Variants in C11orf58 observed in about 807,000 individuals in gnomAD.
C11orf58 encodes the protein small acidic protein.
C11orf58 carries 5 observed loss-of-function variants against 22.7 expected under a neutral mutation model. The ratio of observed to expected loss-of-function variants is 0.22; its 90% confidence interval spans 0.12 to 0.46. The LOEUF (loss-of-function observed/expected upper bound fraction) is 0.46. C11orf58 is among the 20% of genes least tolerant of loss of function. The pLI is 0.99. For missense variants in C11orf58, 151 were observed against 223.3 expected (o/e 0.68, Z 2.06); for synonymous variants, 71 against 70.7 (o/e 1.00, Z -0.02).
chr11:16,746,459 TATAGGTTGTTTCAACTAAAA>T (rs1848488098), intron 2 of C11orf58, among the ~76,000 whole-genome samples: 1 of 152,210 alleles, frequency 6.6e-6, no homozygotes, highest in Non-Finnish European at 1.5e-5. Context: ...TTGTTTTCAT[TATAGGTTGTTTCAACTAAAA>T]TCAGTTAAAA....
chr11:16,744,507 A>AG (rs1491459934), intron 1 of C11orf58, 94 bp from the exon 2 acceptor site: 1 of 929,722 alleles, frequency 1.1e-6, no homozygotes. Flanking sequence ...TACAACTGAC[A>AG]GGGGAAAAAA....
chr11:16,752,718 G>A, intron 3 of C11orf58, 67 bp from the exon 4 acceptor site: 1 of 1,099,008 alleles, frequency 9.1e-7, no homozygotes, highest in Non-Finnish European at 1.4e-6. Flanking sequence ...AATAGCATCT[G>A]TATTATGGGT....
At chr11:16,743,654 A>G (rs1848465288) in intron 1 of C11orf58, among the ~76,000 whole-genome samples, 1 of 152,216 alleles carries the variant, frequency 6.6e-6, no homozygotes, top group Admixed American at 6.5e-5. Context: ...GTGAAAGCTA[A>G]AAGTAGACAA....
intron 1 of C11orf58, among the ~76,000 whole-genome samples, chr11:16,739,139 G>A (rs1224311343): frequency 6.6e-6 from 1 of 152,082 alleles, no homozygotes; most frequent in Non-Finnish European, 1.5e-5. Flanking sequence ...GCGTTTTGGG[G>A]GGCCGATGAG....
In C11orf58 at chr11:16,738,657, C is replaced by A; in HGVS notation, c.-122C>A. The A allele has an allele frequency of 8.9e-7, 1 of 1,129,076 alleles. No individual in the cohort carries two copies. Among genetic ancestry groups the A allele is most frequent in the Non-Finnish European group, 1.3e-6 (1 of 750,086 alleles). 69.9% of individuals were successfully genotyped at this position (1,129,076 alleles called of 1,614,324 possible). On this transcript the variant is annotated 5_prime_UTR_variant, in exon 1 of 5. Transcript: ENST00000228136. ...GGTGACGACTGTGGCAGAGAAGGCCCGGAGGGGCTCTGCGTTCTGTAGTGG... is the reference window on the plus strand; with the variant it reads ...GGTGACGACTGTGGCAGAGAAGGCCAGGAGGGGCTCTGCGTTCTGTAGTGG...
chr11:16,752,748 T>C, intron 3 of C11orf58, 37 bp from the exon 4 acceptor site: 1 of 1,427,366 alleles, frequency 7.0e-7, no homozygotes. Context: ...AATTATTAAT[T>C]TGACTGAAAC....
chr11:16,742,581 A>G (rs1005827291), intron 1 of C11orf58, among the ~76,000 whole-genome samples: 1 of 152,212 alleles, frequency 6.6e-6, no homozygotes, highest in African/African-American at 2.4e-5. Context: ...ATGAGAGCAT[A>G]TAAGCCCTTC....
chr11:16,755,210 G>C lies in C11orf58; in HGVS notation c.*106G>C, dbSNP rs967919292. The C allele has an allele frequency of 9.1e-6, 12 of 1,321,680 alleles. No homozygotes were observed. The African/African-American group carries it at 1.5e-4, about 16-fold the overall frequency. The allele number at this position is 1,321,680 out of a possible 1,614,324, so 81.9% of individuals were successfully genotyped here. A position where few individuals can be genotyped will look rare whatever the true frequency, so the allele number is the denominator to read the frequency against. On this transcript the variant is annotated 3_prime_UTR_variant, in exon 5 of 5. Coordinates refer to ENST00000228136, the MANE Select transcript of C11orf58 (RefSeq NM_014267.6). ...CCTTTGTATTATAATTTTTAAAAAGGCCCTTTTAAATAATTACAAAGAGTG... is the reference window on the plus strand; with the variant it reads ...CCTTTGTATTATAATTTTTAAAAAGCCCCTTTTAAATAATTACAAAGAGTG...
intron 3 of C11orf58, 143 bp downstream of exon 3, chr11:16,748,300 T>C: frequency 3.1e-6 from 2 of 635,256 alleles, no homozygotes; most frequent in Non-Finnish European, 5.3e-6. Context: ...AGTGGCTTAA[T>C]GCCTGTAATC....
chr11:16,755,603 T>G lies in C11orf58; in HGVS notation c.*499T>G, dbSNP rs1260210802. 1 of 153,588 alleles carries G rather than the reference T, an allele frequency of 6.5e-6. No homozygotes were observed. The highest frequency in any genetic ancestry group is 2.4e-5 in the African/African-American group (1 of 41,470). The allele number at this position is 153,588 out of a possible 1,614,324, so 9.5% of individuals were successfully genotyped here. A position where few individuals can be genotyped will look rare whatever the true frequency, so the allele number is the denominator to read the frequency against. ...CTTAGTTTCCTGTTACTGAGTTAGC[T>G]CTACTCTTTTGGACCAAAGCAACAT... is the stretch of plus-strand genomic sequence containing the variant. On this transcript the variant is annotated 3_prime_UTR_variant, in exon 5 of 5. Coordinates refer to ENST00000228136, the MANE Select transcript of C11orf58 (RefSeq NM_014267.6).
At chr11:16,752,967 C>T (rs1402992417) in intron 4 of C11orf58, 73 bp downstream of exon 4, 1 of 1,150,926 alleles carries the variant, frequency 8.7e-7, no homozygotes, top group Non-Finnish European at 1.3e-6. Context: ...TGTTAGATTA[C>T]CCTAGCAATC....
chr11:16,748,798 A>G (rs747873774), intron 3 of C11orf58, among the ~76,000 whole-genome samples: 1 of 152,158 alleles, frequency 6.6e-6, no homozygotes, highest in Non-Finnish European at 1.5e-5. Flanking sequence ...TATATAAAGT[A>G]TCAATTATCA....
In C11orf58 at chr11:16,740,985, A is replaced by G. The variant is rs183554338; in HGVS notation, c.63+2144A>G. Among the ~76,000 whole-genome samples the G allele has an allele frequency of 1.4e-3, 207 of 151,844 alleles. 1 individual carries two copies. Among genetic ancestry groups the G allele is most frequent in the African/African-American group, 4.9e-3 (202 of 41,412 alleles). ...GTAGCGGGCGCCTGTAGTCCCAGCT[A>G]CTAGGGAGGCTGAGGCAGGAGAATG... On this transcript the variant is annotated intron_variant, in intron 1 of 4. Transcript: ENST00000228136.
intron 2 of C11orf58, chr11:16,746,629 C>A (rs1015181512): frequency 6.6e-6 from 1 of 152,166 alleles, no homozygotes; most frequent in Non-Finnish European, 1.5e-5. Context: ...GGAAGAACAT[C>A]CTAATATAAA....
At chr11:16,740,656 A>G (rs1055246873) in intron 1 of C11orf58, among the ~76,000 whole-genome samples, 1 of 152,002 alleles carries the variant, frequency 6.6e-6, no homozygotes, top group Non-Finnish European at 1.5e-5. Flanking sequence ...TACTAGACCC[A>G]AGCGATCTGC....
At chr11:16,740,706 G>A (rs367595136) in intron 1 of C11orf58, among the ~76,000 whole-genome samples, 62 of 151,076 alleles carry the variant, frequency 4.1e-4, no homozygotes, top group African/African-American at 1.4e-3. Context: ...ACAGGTGTGA[G>A]CCACCTCGCC....
In C11orf58 at chr11:16,756,994, G is replaced by A. The variant is rs1011331126; in HGVS notation, c.*1890G>A. The A allele has an allele frequency of 1.3e-5, 2 of 150,944 alleles. No individual in the cohort carries two copies. Among genetic ancestry groups the A allele is most frequent in the African/African-American group, 4.9e-5 (2 of 41,092 alleles). 9.4% of individuals were successfully genotyped at this position (150,944 alleles called of 1,614,324 possible). ...ATTTCTGGTTGATAGACTCTATCTT[G>A]CAGTATATTTATTTCATGTATCAGA... On this transcript the variant is annotated 3_prime_UTR_variant, in exon 5 of 5. Transcript: ENST00000228136.
intron 1 of C11orf58, among the ~76,000 whole-genome samples, chr11:16,742,793 T>C (rs1045133385): frequency 6.6e-6 from 1 of 152,218 alleles, no homozygotes; most frequent in Non-Finnish European, 1.5e-5. Context: ...CCGAAATTTA[T>C]ATTCTTTGTT....
chr11:16,755,383 G>A lies in C11orf58; in HGVS notation c.*279G>A, dbSNP rs1848568815. ...ATCAACCCTCTAATTCACCTTATGG[G>A]GGAAATGCTTCTTTTTGTTTGTGAT... On this transcript the variant is annotated 3_prime_UTR_variant, in exon 5 of 5. Coordinates refer to ENST00000228136, the MANE Select transcript of C11orf58 (RefSeq NM_014267.6). 3 of 232,326 alleles carry A rather than the reference G, an allele frequency of 1.3e-5. No individual in the cohort carries two copies. The highest frequency in any genetic ancestry group is 6.8e-5 in the African/African-American group (3 of 44,160). The allele number at this position is 232,326 out of a possible 1,614,324, so 14.4% of individuals were successfully genotyped here.
Sources: gnomAD v4.1 joint callset for allele counts (sites outside exome capture counted in the v4.1 genomes callset) on GRCh38, gnomAD v4.1.1 for gene constraint, MANE v1.5 for transcripts, NCBI Gene and HGNC (gene_info 2026-07-23, HGNC 2026-07-21) for gene names.